The following MFRP variants were observed in gnomAD, a reference collection of about 807,000 sequenced individuals.
MFRP encodes membrane frizzled-related protein, also known as C1q and TNF related 5.
MFRP carries 74 observed loss-of-function variants against 65.8 expected under a neutral mutation model. That is an observed-to-expected ratio of 1.12 (90% CI 0.93 to 1.36). MFRP has a LOEUF of 1.36. Among genes scored for constraint, MFRP ranks in the 40% most tolerant of loss-of-function variants. The probability of loss-of-function intolerance (pLI) is 0.00; values close to 1 mark genes in which losing one functional copy is unlikely to be tolerated. For synonymous variants in MFRP, 336 were observed against 288.3 expected (o/e 1.17, Z -1.68); for missense variants, 838 against 736.0 (o/e 1.14, Z -1.60).
rs748740586 is a variant in MFRP, at chr11:119,344,938, G to C, written c.708C>G (p.Val236=). The change falls in exon 6 of 15, where the codon GTC becomes GTG. Residue 236 remains valine (V), a synonymous_variant. Coordinates refer to ENST00000619721, the MANE Select transcript of MFRP (RefSeq NM_031433.4). ...CAAATCCTTCCACACTGCTGTCAGAGACGAAGACCACCAGGAGGTGGCTGG... is the reference window on the plus strand; with the variant it reads ...CAAATCCTTCCACACTGCTGTCAGACACGAAGACCACCAGGAGGTGGCTGG... The part of the protein sequence containing the change: ...TNASHLLVVF[V]SDSSVEGFGF... The C allele has an allele frequency of 1.2e-6, 2 of 1,610,994 alleles. No homozygotes were observed. Among genetic ancestry groups the C allele is most frequent in the South Asian group, 1.1e-5 (1 of 90,518 alleles).
chr11:119,340,527 C>G (rs1348429139), intron 13 of MFRP, 87 bp from the exon 14 acceptor site: 5 of 993,194 alleles, frequency 5.0e-6, no homozygotes, highest in Non-Finnish European at 6.0e-6. Flanking sequence ...TCGGTCCCCA[C>G]CCCACTGCCG....
chr11:119,342,773 C>T, intron 10 of MFRP, 46 bp from the exon 11 acceptor site: 1 of 1,613,136 alleles, frequency 6.2e-7, no homozygotes, highest in Non-Finnish European at 8.5e-7. Context: ...ATACCTACAC[C>T]CCCAGTACCC....
chr11:119,345,064 G>A (rs903668120), intron 5 of MFRP, 60 bp from the exon 6 acceptor site: 3 of 1,568,528 alleles, frequency 1.9e-6, no homozygotes, highest in African/African-American at 2.7e-5. Context: ...CCAGAGAGGA[G>A]CTTGCCTGGG....
chr11:119,346,305 C>T lies in MFRP; in HGVS notation c.124G>A (p.Asp42Asn). Reference sequence around the variant, plus strand: ...GGAGCTGGGACGCTGTAGCTGGCATCCTCTGGGAAAACTGGGGGAGGGCAG... The same window carrying T: ...GGAGCTGGGACGCTGTAGCTGGCATTCTCTGGGAAAACTGGGGGAGGGCAG... ...PPCPPPVFPE[D>N]ASYSVPAPWH... Residue 42 changes from aspartate to asparagine, a missense_variant, in exon 2 of 15, where the codon GAT becomes AAT. By Grantham distance (23) the Asp-to-Asn change is conservative. Coordinates refer to ENST00000619721, the MANE Select transcript of MFRP (RefSeq NM_031433.4). 6.2e-7 allele frequency: 1 copy of T among 1,613,886 alleles called. No individual in the cohort carries two copies. The highest frequency in any genetic ancestry group is 8.5e-7 in the Non-Finnish European group (1 of 1,179,958).
Position 119,339,106 on chromosome 11 carries a change from T to C in MFRP, c.*1853A>G. On this transcript the variant is annotated 3_prime_UTR_variant, in exon 15 of 15. Transcript: ENST00000619721. This position sits in a 1 kb window ranked among gnomAD's most constrained non-coding sequence, Gnocchi z 5.4. ...ACTTACACTTGCCAGCACAGCACAC[T>C]CCTCTGGTCTTGGGCAGAAATCCAG... 1 of 574,098 alleles carries C rather than the reference T, an allele frequency of 1.7e-6. No individual in the cohort carries two copies. The highest frequency in any genetic ancestry group is 3.1e-6 in the Non-Finnish European group (1 of 327,356). 35.6% of individuals were successfully genotyped at this position (574,098 alleles called of 1,614,324 possible).
At position 119,346,375 on chromosome 11, in the gene MFRP, C is replaced by T. The variant is rs2135374862; in HGVS notation, c.55-1G>A. On this transcript the variant is annotated splice_acceptor_variant, in intron 1 of 14. Coordinates refer to ENST00000619721, the MANE Select transcript of MFRP (RefSeq NM_031433.4). LOFTEE classifies it high-confidence loss of function. ...CGAAGGCAGGATTGCAGAACTCGGT[C>T]TGGAAGGGGGAGATACTTGAGGGCT... The T allele has an allele frequency of 6.2e-7, 1 of 1,613,942 alleles. No individual in the cohort carries two copies. The highest frequency in any genetic ancestry group is 8.5e-7 in the Non-Finnish European group (1 of 1,179,950).
Position 119,346,130 on chromosome 11 carries a change from A to G in MFRP, c.187T>C (p.Cys63Arg). The G allele has an allele frequency of 6.2e-7, 1 of 1,602,844 alleles. No individual in the cohort carries two copies. The highest frequency in any genetic ancestry group is 1.1e-5 in the South Asian group (1 of 89,558). Residue 63 changes from cysteine (C) to arginine (R), a missense_variant, in exon 3 of 15, where the codon TGC becomes CGC. By Grantham distance (180) the Cys-to-Arg change is radical (BLOSUM62 -3). Transcript: ENST00000619721. ...GRRPRGLRPD[C>R]RFSWLCVLLL... ...AGGACACAGAGCCAGGAGAAGCGGCAGTCTGGCCGTAGCCCTCGAGGACGC... is the reference window on the plus strand; with the variant it reads ...AGGACACAGAGCCAGGAGAAGCGGCGGTCTGGCCGTAGCCCTCGAGGACGC...
rs1481047096 is a variant in MFRP, at chr11:119,345,522, T to C, written c.539A>G (p.His180Arg). The change falls in exon 5 of 15, where the codon CAT becomes CGT. Residue 180 changes from histidine to arginine, a missense_variant. Transcript: ENST00000619721. ...CVWHIQVATD[H>R]AIQLKIEALS... ...GGCTTCGATCTTGAGCTGTATTGCA[T>C]GGTCTGTGGCCACCTGGATATGCCA... 2.5e-6 allele frequency: 4 copies of C among 1,614,062 alleles called. No homozygotes were observed. The highest frequency in any genetic ancestry group is 2.7e-5 in the African/African-American group (2 of 75,028).
rs950627332 is a variant in MFRP, at chr11:119,344,361, C to T, written c.929G>A (p.Gly310Asp). ...CAGGTAGCTGGGAGTAGAGAAAGTG[C>T]CCTGGAGGCCAGTCAGATTCCCCCC... ...GCGGNLTGLQ[G>D]TFSTPSYLQQ... The change falls in exon 8 of 15, where the codon GGC becomes GAC. Residue 310 changes from glycine to aspartate, a missense_variant. By Grantham distance (94) the Gly-to-Asp change is moderately conservative. Transcript: ENST00000619721. The T allele has an allele frequency of 1.2e-6, 2 of 1,613,918 alleles. No individual in the cohort carries two copies. Among genetic ancestry groups the T allele is most frequent in the Middle Eastern group, 1.6e-4 (1 of 6,062 alleles).
intron 9 of MFRP, 34 bp from the exon 10 acceptor site, chr11:119,343,037 C>A: frequency 1.9e-6 from 3 of 1,572,444 alleles, no homozygotes; most frequent in Non-Finnish European, 1.7e-6. Flanking sequence ...TGGGCACCAG[C>A]CCTGGCTGAC....
In MFRP at chr11:119,340,578, G is replaced by A. The variant is rs1046902043; in HGVS notation, c.*853+117C>T. Reference sequence around the variant, plus strand: ...GCGCTCGCAGGGCCGAGCATCCGGAGAGCACAGGCAGGCGCGAGAGGGTGG... The same window carrying A: ...GCGCTCGCAGGGCCGAGCATCCGGAAAGCACAGGCAGGCGCGAGAGGGTGG... On this transcript the variant is annotated intron_variant, in intron 13 of 14. Transcript: ENST00000619721. 9.0e-5 allele frequency: 58 copies of A among 642,762 alleles called. No individual in the cohort carries two copies. The East Asian group carries it at 1.5e-3, about 17-fold the overall frequency. The allele number at this position is 642,762 out of a possible 1,614,324, so 39.8% of individuals were successfully genotyped here. A position where few individuals can be genotyped will look rare whatever the true frequency, so the allele number is the denominator to read the frequency against.
At position 119,340,692 on chromosome 11, in the gene MFRP, C is replaced by G; in HGVS notation, c.*853+3G>C. On this transcript the variant is annotated splice_donor_region_variant and intron_variant, in intron 13 of 14. Transcript: ENST00000619721. The stretch of plus-strand genomic sequence containing the variant: ...CCCCTTTCCCCTCCTCCGCCAGACT[C>G]ACCCCCCCTCCCGGCTCCCCGATGG... The G allele has an allele frequency of 2.3e-6, 1 of 440,142 alleles. No individual in the cohort carries two copies. The highest frequency in any genetic ancestry group is 2.7e-5 in the South Asian group (1 of 37,604). The allele number at this position is 440,142 out of a possible 1,614,324, so 27.3% of individuals were successfully genotyped here. A position where few individuals can be genotyped will look rare whatever the true frequency, so the allele number is the denominator to read the frequency against.
rs1203230213 is a variant in MFRP, at chr11:119,341,291, A to T, written c.*257T>A. 1.8e-6 allele frequency: 1 copy of T among 548,818 alleles called. No individual in the cohort carries two copies. Among genetic ancestry groups the T allele is most frequent in the Non-Finnish European group, 3.3e-6 (1 of 307,240 alleles). 34.0% of individuals were successfully genotyped at this position (548,818 alleles called of 1,614,324 possible). A position where few individuals can be genotyped will look rare whatever the true frequency, so the allele number is the denominator to read the frequency against. Reference sequence around the variant, plus strand: ...CAGATGGAAAGGGGAAGAGGCCTGGATGGGAAGTGGTCTCGATTGTCCGGT... The same window carrying T: ...CAGATGGAAAGGGGAAGAGGCCTGGTTGGGAAGTGGTCTCGATTGTCCGGT... On this transcript the variant is annotated 3_prime_UTR_variant, in exon 13 of 15. Coordinates refer to ENST00000619721, the MANE Select transcript of MFRP (RefSeq NM_031433.4).
At chr11:119,346,019 C>T (rs748190343) in intron 3 of MFRP, 27 bp downstream of exon 3, 29 of 1,612,552 alleles carry the variant, frequency 1.8e-5, no homozygotes, top group Middle Eastern at 1.6e-4. Context: ...CCAAAGCCCT[C>T]GTTTCAAGCT....
At chr11:119,342,834 G>A in intron 10 of MFRP, 39 bp downstream of exon 10, 1 of 1,613,028 alleles carries the variant, frequency 6.2e-7, no homozygotes, top group African/African-American at 1.3e-5. Context: ...CCCTGGAGGT[G>A]CCTCTACTGC....
intron 13 of MFRP, 88 bp from the exon 14 acceptor site, chr11:119,340,528 C>A: frequency 9.2e-6 from 9 of 980,820 alleles, no homozygotes; most frequent in Non-Finnish European, 1.1e-5. Context: ...CGGTCCCCAC[C>A]CCACTGCCGT....
chr11:119,346,404 G>A, intron 1 of MFRP, 30 bp from the exon 2 acceptor site: 1 of 1,610,964 alleles, frequency 6.2e-7, no homozygotes, highest in Non-Finnish European at 8.5e-7. Flanking sequence ...GAGGGCTGAG[G>A]GCAGCAGTGA....
chr11:119,345,037 T>A (rs1401715702), intron 5 of MFRP, 33 bp from the exon 6 acceptor site: 14 of 1,591,126 alleles, frequency 8.8e-6, no homozygotes, highest in African/African-American at 1.3e-5. Flanking sequence ...TGAGGGAGGC[T>A]CCAAGAGCAG....
rs1197223354 is a variant in MFRP, at chr11:119,339,707, G to A, written c.*1252C>T. Reference sequence around the variant, plus strand: ...GCGGTCGAAGGGCAAGGGTGCGTCAGACGGCGGAGGCACCCGGCTCTCGGA... The same window carrying A: ...GCGGTCGAAGGGCAAGGGTGCGTCAAACGGCGGAGGCACCCGGCTCTCGGA... On this transcript the variant is annotated 3_prime_UTR_variant, in exon 15 of 15. Coordinates refer to ENST00000619721, the MANE Select transcript of MFRP (RefSeq NM_031433.4). The surrounding 1 kb of genome is among the most constrained non-coding windows in gnomAD (Gnocchi z 5.4). The A allele has an allele frequency of 6.2e-7, 1 of 1,604,718 alleles. No individual in the cohort carries two copies. Among genetic ancestry groups the A allele is most frequent in the African/African-American group, 1.3e-5 (1 of 74,948 alleles).
Sources: gnomAD v4.1 joint callset for allele counts on GRCh38, gnomAD v4.1.1 for gene constraint, Gnocchi (gnomAD v3.1) non-coding constraint, MANE v1.5 for transcripts, NCBI Gene and HGNC (gene_info 2026-07-23, HGNC 2026-07-21) for gene names.